Variants in DDR2 observed in about 807,000 individuals in gnomAD.
DDR2 encodes the protein discoidin domain-containing receptor 2.
Under a neutral mutation model 94.9 loss-of-function variants are expected in DDR2, and 27 were observed. The observed-to-expected ratio is 0.28, with a 90% CI of 0.21 to 0.39. The LOEUF (loss-of-function observed/expected upper bound fraction) is 0.39, where lower values mean the gene tolerates loss of function less well. Among genes scored for constraint, DDR2 ranks in the 10% least tolerant of loss-of-function variants. DDR2 has a pLI of 1.00. For missense variants in DDR2, 783 were observed against 1,076.0 expected (o/e 0.73, Z 3.81); for synonymous variants, 382 against 377.2 (o/e 1.01, Z -0.15).
chr1:162,655,624 T>C (rs572177550), intron 2 of DDR2, among the ~76,000 whole-genome samples: 1 of 152,304 alleles, frequency 6.6e-6, no homozygotes, highest in South Asian at 2.1e-4. Flanking sequence ...AGAGGGCAGT[T>C]TTAGAGTGTC....
intron 2 of DDR2, among the ~76,000 whole-genome samples, chr1:162,696,103 G>T (rs1429223063): frequency 1.3e-5 from 2 of 151,826 alleles, no homozygotes; most frequent in African/African-American, 4.8e-5. Context: ...TTCCAGTATT[G>T]GTTAAAAGGT....
At chr1:162,747,440 A>C (rs1000008374) in intron 3 of DDR2, among the ~76,000 whole-genome samples, 10 of 124,800 alleles carry the variant, frequency 8.0e-5, no homozygotes, top group African/African-American at 2.8e-4. Context: ...CGAGAAGAGA[A>C]GTTTAGAGAA....
chr1:162,755,351 C>A, intron 6 of DDR2, 48 bp downstream of exon 6: 1 of 1,610,082 alleles, frequency 6.2e-7, no homozygotes, highest in South Asian at 1.1e-5. Context: ...AAAACTCCAA[C>A]TTCTGGGAAA....
At chr1:162,677,858 A>G (rs1261297012) in intron 2 of DDR2, among the ~76,000 whole-genome samples, 1 of 152,254 alleles carries the variant, frequency 6.6e-6, no homozygotes, top group Non-Finnish European at 1.5e-5. Flanking sequence ...CAGCTTTCAC[A>G]TCTACTTTAT....
intron 2 of DDR2, among the ~76,000 whole-genome samples, chr1:162,700,996 G>T (rs1660403093): frequency 6.6e-6 from 1 of 150,886 alleles, no homozygotes; most frequent in Non-Finnish European, 1.5e-5. Flanking sequence ...AGCAGTGTTG[G>T]TATATATTTC....
intron 2 of DDR2, among the ~76,000 whole-genome samples, chr1:162,660,711 C>G (rs1351407245): frequency 1.3e-5 from 2 of 152,220 alleles, no homozygotes; most frequent in Non-Finnish European, 2.9e-5. Flanking sequence ...GAGAGTGACA[C>G]TTCTGCACAG....
At chr1:162,699,888 A>G (rs1329305849) in intron 2 of DDR2, among the ~76,000 whole-genome samples, 1 of 152,236 alleles carries the variant, frequency 6.6e-6, no homozygotes, top group Non-Finnish European at 1.5e-5. Flanking sequence ...AATAGTTTAG[A>G]TAACACTCAG....
At position 162,781,158 on chromosome 1, in the gene DDR2, C is replaced by T. The variant is rs933061844; in HGVS notation, c.*912C>T. ...AATCTGAGTTTTTAATCAGTAAAGT[C>T]TGATGTTTTGATATCTTGATGTTTT... On this transcript the variant is annotated 3_prime_UTR_variant, in exon 18 of 18. Transcript: ENST00000367921. The T allele has an allele frequency of 2.6e-5, 4 of 152,138 alleles. No individual in the cohort carries two copies. The highest frequency in any genetic ancestry group is 9.7e-5 in the African/African-American group (4 of 41,426). The allele number at this position is 152,138 out of a possible 1,614,324, so 9.4% of individuals were successfully genotyped here.
At chr1:162,764,407 A>G (rs909852551) in intron 9 of DDR2, among the ~76,000 whole-genome samples, 1 of 151,100 alleles carries the variant, frequency 6.6e-6, no homozygotes, top group African/African-American at 2.4e-5. Flanking sequence ...AAAAAAAAAA[A>G]AAAAGAAATG....
In DDR2 at chr1:162,782,122, G is replaced by A. The variant is rs1040723463; in HGVS notation, c.*1876G>A. The A allele has an allele frequency of 2.6e-5, 4 of 152,234 alleles. No homozygotes were observed. Among genetic ancestry groups the A allele is most frequent in the Admixed American group, 1.3e-4 (2 of 15,278 alleles). 9.4% of individuals were successfully genotyped at this position (152,234 alleles called of 1,614,324 possible). A position where few individuals can be genotyped will look rare whatever the true frequency, so the allele number is the denominator to read the frequency against. On this transcript the variant is annotated 3_prime_UTR_variant, in exon 18 of 18. Coordinates refer to ENST00000367921, the MANE Select transcript of DDR2 (RefSeq NM_006182.4). ...AACTGTGGAGAAATCATTGGTTTGA[G>A]AGTCAAGAGAGCATTGGTTTGGGAG...
In DDR2 at chr1:162,784,495, T is replaced by A. The variant is rs557826167; in HGVS notation, c.*4249T>A. ...GCAGATCCTTATTTTTGCTGGGAAA[T>A]CCTTCTAAATAGAAATGTAACATTT... On this transcript the variant is annotated 3_prime_UTR_variant, in exon 18 of 18. Coordinates refer to ENST00000367921, the MANE Select transcript of DDR2 (RefSeq NM_006182.4). 6.5e-6 allele frequency: 1 copy of A among 153,044 alleles called. No homozygotes were observed. Among genetic ancestry groups the A allele is most frequent in the Non-Finnish European group, 1.5e-5 (1 of 67,754 alleles). The allele number at this position is 153,044 out of a possible 1,614,324, so 9.5% of individuals were successfully genotyped here. A position where few individuals can be genotyped will look rare whatever the true frequency, so the allele number is the denominator to read the frequency against.
chr1:162,689,184 C>T (rs541646983), intron 2 of DDR2, among the ~76,000 whole-genome samples: 42 of 152,156 alleles, frequency 2.8e-4, no homozygotes, highest in Non-Finnish European at 4.1e-4. Flanking sequence ...TAGCCAATGG[C>T]GAGACAACAG....
At chr1:162,705,004 T>G (rs1248430291) in intron 2 of DDR2, 1 of 152,276 alleles carries the variant, frequency 6.6e-6, no homozygotes, top group Non-Finnish European at 1.5e-5. Flanking sequence ...TTTCGCATGC[T>G]CACCCACTCC....
chr1:162,668,734 C>T (rs924371106), intron 2 of DDR2, among the ~76,000 whole-genome samples: 1 of 152,174 alleles, frequency 6.6e-6, no homozygotes, highest in Admixed American at 6.5e-5. Flanking sequence ...AACTTGGTAA[C>T]ATCTGCAAAG....
intron 1 of DDR2, among the ~76,000 whole-genome samples, chr1:162,654,349 G>A (rs1571150460): frequency 6.6e-6 from 1 of 151,974 alleles, no homozygotes; most frequent in African/African-American, 2.4e-5. Flanking sequence ...AAAAGGCCGA[G>A]GCAAAAGGAT....
intron 3 of DDR2, among the ~76,000 whole-genome samples, chr1:162,736,047 C>T (rs1662283584): frequency 2.0e-5 from 3 of 152,178 alleles, no homozygotes; most frequent in South Asian, 4.1e-4. Context: ...CCAGCATGGT[C>T]CTAGAGAATC....
Position 162,783,960 on chromosome 1 carries a change from A to G in DDR2, c.*3714A>G, listed in dbSNP as rs1270028686. ...AGCTTATGGTAGTTCATAAATCTTC[A>G]TGTTCTATTATCTTTCATCTGCCAA... On this transcript the variant is annotated 3_prime_UTR_variant, in exon 18 of 18. Transcript: ENST00000367921. 1.3e-5 allele frequency: 2 copies of G among 152,248 alleles called. No homozygotes were observed. The highest frequency in any genetic ancestry group is 2.4e-5 in the African/African-American group (1 of 41,466). 9.4% of individuals were successfully genotyped at this position (152,248 alleles called of 1,614,324 possible).
In DDR2 at chr1:162,770,746, GA is replaced by G. The variant is rs201637277; in HGVS notation, c.1504+241del. On this transcript the variant is annotated intron_variant, in intron 12 of 17. Transcript: ENST00000367921. The stretch of plus-strand genomic sequence containing the variant: ...AGGGACCCACATACCAGAAAAGAAA[GA>G]AAAAAATAATAAAACATGTGAATTA... The G allele has an allele frequency of 2.5e-3, 1,566 of 632,478 alleles. 18 individuals carry two copies. The African/African-American group carries it at 0.026, about 10-fold the overall frequency. 39.2% of individuals were successfully genotyped at this position (632,478 alleles called of 1,614,324 possible).
At chr1:162,700,367 C>A (rs1183607457) in intron 2 of DDR2, among the ~76,000 whole-genome samples, 1 of 152,140 alleles carries the variant, frequency 6.6e-6, no homozygotes, top group Non-Finnish European at 1.5e-5. Flanking sequence ...TGACTATGAC[C>A]CAGACACTCA....
Sources: allele counts gnomAD v4.1 joint callset (sites outside exome capture counted in the v4.1 genomes callset), GRCh38; gene constraint gnomAD v4.1.1; transcripts MANE v1.5; gene names NCBI Gene and HGNC (gene_info 2026-07-23, HGNC 2026-07-21).